The following CEP112 variants were observed in gnomAD, a reference collection of about 807,000 sequenced individuals.
CEP112 encodes centrosomal protein 112, also known as centrosomal protein of 112 kDa.
CEP112 carries 127 observed loss-of-function variants against 153.0 expected under a neutral mutation model. The observed-to-expected ratio is 0.83, with a 90% CI of 0.72 to 0.96. The LOEUF is 0.96. CEP112 is among the 40% of genes least tolerant of loss of function. The pLI is 0.00. For synonymous variants in CEP112, 358 were observed against 374.4 expected (o/e 0.96, Z 0.51); for missense variants, 1,089 against 1,101.2 (o/e 0.99, Z 0.16).
intron 20 of CEP112, among the ~76,000 whole-genome samples, chr17:65,853,451 C>T (rs2058031313): frequency 6.6e-6 from 1 of 152,060 alleles, no homozygotes; most frequent in Non-Finnish European, 1.5e-5. Flanking sequence ...CTATTTCCGG[C>T]CAGGCGCAGT....
intron 23 of CEP112, among the ~76,000 whole-genome samples, chr17:65,729,772 G>A (rs779234280): frequency 6.6e-6 from 1 of 152,134 alleles, no homozygotes; most frequent in Non-Finnish European, 1.5e-5. Flanking sequence ...AGCTGGGTGT[G>A]GTGACGCACA....
intron 17 of CEP112, among the ~76,000 whole-genome samples, chr17:65,983,410 T>C (rs1266550991): frequency 6.6e-6 from 1 of 152,212 alleles, no homozygotes; most frequent in African/African-American, 2.4e-5. Context: ...AGTTGGGATA[T>C]GTGTCCCCTC....
rs190468556 is a variant in CEP112 at position 65,986,192 on chromosome 17, G to A, written c.1736+19498C>T. 2.3e-3 allele frequency among the ~76,000 whole-genome samples: 352 copies of A among 151,960 alleles called. 3 individuals carry two copies. Among genetic ancestry groups the A allele is most frequent in the African/African-American group, 8.1e-3 (335 of 41,448 alleles). On this transcript the variant is annotated intron_variant, in intron 17 of 26. Coordinates refer to ENST00000535342, the MANE Select transcript of CEP112 (RefSeq NM_001199165.4). The stretch of plus-strand genomic sequence containing the variant: ...AAAGGGGGAAAAAAAATAAAACATC[G>A]CAAGAACAGTAATAACTCAGATAAA...
intron 18 of CEP112, among the ~76,000 whole-genome samples, chr17:65,956,433 C>CACACACACACAG (rs2062007098): frequency 6.6e-6 from 1 of 150,970 alleles, no homozygotes; most frequent in African/African-American, 2.4e-5. Context: ...CACACACACA[C>CACACACACACAG]ACCATGGAAT....
chr17:65,885,490 TA>T (rs895937826), intron 20 of CEP112, among the ~76,000 whole-genome samples: 60 of 148,914 alleles, frequency 4.0e-4, no homozygotes, highest in East Asian at 2.5e-3. Flanking sequence ...TTTTCCTTTT[TA>T]AAAAAAAAAC....
intron 20 of CEP112, among the ~76,000 whole-genome samples, chr17:65,864,317 T>G (rs1215905561): frequency 1.3e-5 from 2 of 152,158 alleles, no homozygotes; most frequent in Non-Finnish European, 2.9e-5. Flanking sequence ...TAAGTGTCCC[T>G]TTCAGAAGAG....
At chr17:65,949,444 T>C (rs764671644) in intron 18 of CEP112, among the ~76,000 whole-genome samples, 2 of 152,110 alleles carry the variant, frequency 1.3e-5, no homozygotes, top group African/African-American at 4.8e-5. Context: ...TCTAGCACAC[T>C]AGACAGACAG....
In CEP112 at chr17:65,798,922, C is replaced by T. The variant is rs113220980; in HGVS notation, c.2395-48198G>A. Reference sequence around the variant, plus strand: ...GTGAATCTTAATTTTTATTAATGACCGAAAGCCTTCAGAATATTAAAATAC... The same window carrying T: ...GTGAATCTTAATTTTTATTAATGACTGAAAGCCTTCAGAATATTAAAATAC... On this transcript the variant is annotated intron_variant, in intron 21 of 26. Coordinates refer to ENST00000535342, the MANE Select transcript of CEP112 (RefSeq NM_001199165.4). 5.7e-3 allele frequency among the ~76,000 whole-genome samples: 867 copies of T among 152,044 alleles called. 11 individuals carry two copies. Among genetic ancestry groups the T allele is most frequent in the African/African-American group, 0.019 (804 of 41,472 alleles).
rs776380493 is a variant in CEP112, at chr17:66,053,868, A to C, written c.1086T>G (p.Ala362=). 5.0e-6 allele frequency: 8 copies of C among 1,611,834 alleles called. No homozygotes were observed. The South Asian group carries it at 8.8e-5, about 18-fold the overall frequency. ...NNDWEKKLHN[A]VAEMEQEKFD... Reference sequence around the variant, plus strand: ...ACTTTTCCTGTTCCATTTCTGCTACAGCATTGTGAAGCTACATCAGGAAAT... The same window carrying C: ...ACTTTTCCTGTTCCATTTCTGCTACCGCATTGTGAAGCTACATCAGGAAAT... The change falls in exon 12 of 27, where the codon GCT becomes GCG. Residue 362 remains alanine (A), a synonymous_variant. Coordinates refer to ENST00000535342, the MANE Select transcript of CEP112 (RefSeq NM_001199165.4).
intron 8 of CEP112, among the ~76,000 whole-genome samples, chr17:66,086,116 G>A (rs2067918822): frequency 6.6e-6 from 1 of 151,912 alleles, no homozygotes; most frequent in Non-Finnish European, 1.5e-5. Context: ...TGAAGAATGA[G>A]TTGAGAAAGG....
intron 21 of CEP112, among the ~76,000 whole-genome samples, chr17:65,824,187 T>A (rs185543690): frequency 1.8e-3 from 271 of 152,358 alleles, no homozygotes; most frequent in African/African-American, 6.3e-3. Flanking sequence ...GGAGAATGGA[T>A]AAGTTTTGTA....
intron 17 of CEP112, among the ~76,000 whole-genome samples, chr17:65,970,041 G>A (rs1027402649): frequency 4.6e-5 from 7 of 152,128 alleles, no homozygotes; most frequent in Non-Finnish European, 8.8e-5. Context: ...CATGCATATT[G>A]CATGCATGCC....
intron 24 of CEP112, among the ~76,000 whole-genome samples, chr17:65,663,108 C>G (rs1223197630): frequency 6.6e-6 from 1 of 152,146 alleles, no homozygotes; most frequent in Non-Finnish European, 1.5e-5. Context: ...TTTCATCCAG[C>G]TTTGAGAAAA....
rs2063131169 is a variant in CEP112, at chr17:65,978,989, C to T, written c.1737-17391G>A. Among the ~76,000 whole-genome samples the T allele has an allele frequency of 2.0e-5, 3 of 152,240 alleles. No homozygotes were observed. The South Asian group carries it at 6.2e-4, about 32-fold the overall frequency. On this transcript the variant is annotated intron_variant, in intron 17 of 26. Coordinates refer to ENST00000535342, the MANE Select transcript of CEP112 (RefSeq NM_001199165.4). ...CTGGAAGCAAGGTAACCACACATTG[C>T]TCTCTTCTCTTCGAGCTTTACATTG...
intron 4 of CEP112, among the ~76,000 whole-genome samples, chr17:66,172,980 C>T (rs1437287089): frequency 2.6e-5 from 4 of 152,144 alleles, no homozygotes. Context: ...GCTGGCCTCA[C>T]ACTCCTGGGC....
At chr17:65,648,629 TG>T (rs1426181487) in intron 24 of CEP112, among the ~76,000 whole-genome samples, 1 of 152,210 alleles carries the variant, frequency 6.6e-6, no homozygotes, top group Non-Finnish European at 1.5e-5. Flanking sequence ...GCAGTTGACT[TG>T]AGCCAAAGGG....
intron 20 of CEP112, among the ~76,000 whole-genome samples, chr17:65,869,943 C>T (rs2146486584): frequency 6.6e-6 from 1 of 150,520 alleles, no homozygotes; most frequent in Non-Finnish European, 1.5e-5. Context: ...TTGGAGCACA[C>T]TACAAAGGTC....
In CEP112 at chr17:65,689,152, T is replaced by G. The variant is rs2047968924; in HGVS notation, c.2674A>C (p.Lys892Gln). ...ACCTGTTCCTGTGACTCCAATTCTT[T>G]GTGTTGTAATTTTTTCTCTGCACAT... ...VRCAEKKLQHKELESQEQITY... is the reference protein window; with the variant it reads ...VRCAEKKLQHQELESQEQITY... The change falls in exon 24 of 27, where the codon AAA becomes CAA. Residue 892 changes from lysine to glutamine, a missense_variant. Physicochemically the swap from Lys to Gln is moderately conservative, Grantham distance 53. Transcript: ENST00000535342. The G allele has an allele frequency of 6.2e-7, 1 of 1,612,812 alleles. No homozygotes were observed. Among genetic ancestry groups the G allele is most frequent in the African/African-American group, 1.3e-5 (1 of 74,888 alleles).
chr17:66,004,063 CAA>C (rs2064169718), intron 17 of CEP112, among the ~76,000 whole-genome samples: 1 of 151,422 alleles, frequency 6.6e-6, no homozygotes, highest in African/African-American at 2.4e-5. Flanking sequence ...CAAAGTGGAA[CAA>C]GAGAGAAAAA....
Sources: allele counts gnomAD v4.1 joint callset (sites outside exome capture counted in the v4.1 genomes callset), GRCh38; gene constraint gnomAD v4.1.1; transcripts MANE v1.5; gene names NCBI Gene and HGNC (gene_info 2026-07-23, HGNC 2026-07-21).